GRM5: variants seen among roughly 807,000 people sequenced by gnomAD.
The protein encoded by GRM5 is glutamate metabotropic receptor 5, also known as metabotropic glutamate receptor 5.
A neutral mutation model predicts 83.1 loss-of-function variants in GRM5; 19 were observed. The observed-to-expected ratio is 0.23, with a 90% CI of 0.16 to 0.34. GRM5 has a LOEUF of 0.34. Ranked by LOEUF, GRM5 falls within the 10% of genes least tolerant of loss-of-function variation. The probability of loss-of-function intolerance (pLI) is 1.00; values close to 1 mark genes in which losing one functional copy is unlikely to be tolerated. For missense variants in GRM5, 1,160 were observed against 1,588.3 expected, an observed-to-expected ratio of 0.73 and a Z score of 4.58; for synonymous variants, 675 against 633.6, an observed-to-expected ratio of 1.07 and a Z score of -0.98.
rs759966881 is a variant in GRM5, at chr11:88,604,970, G to C, written c.1148-6C>G. ...TGTTTTCAGAGTCAGAGAACCTGTT[G>C]GGAAACAAATTAAGCATAGCTTTGA... On this transcript the variant is annotated splice_region_variant and splice_polypyrimidine_tract_variant and intron_variant, in intron 4 of 9. Coordinates refer to ENST00000305447, the MANE Select transcript of GRM5 (RefSeq NM_001143831.3). The C allele has an allele frequency of 6.2e-7, 1 of 1,609,738 alleles. No individual in the cohort carries two copies. The highest frequency in any genetic ancestry group is 1.3e-5 in the African/African-American group (1 of 74,808).
intron 3 of GRM5, among the ~76,000 whole-genome samples, chr11:88,747,249 T>C (rs554357277): frequency 2.0e-5 from 3 of 152,218 alleles, no homozygotes; most frequent in African/African-American, 4.8e-5. Context: ...TTTATTCAGA[T>C]GCATGTGGTT....
At position 88,730,168 on chromosome 11, in the gene GRM5, TCAAA is replaced by T. The variant is rs574409102; in HGVS notation, c.912-76769_912-76766del. On this transcript the variant is annotated intron_variant, in intron 3 of 9. Transcript: ENST00000305447. ...CTAATATCCAGAATCTACAAAGAACTCAAACAAATTTACAAGGAAAAGACAACCC... is the reference window on the plus strand; with the variant it reads ...CTAATATCCAGAATCTACAAAGAACTCAAATTTACAAGGAAAAGACAACCC... Among the ~76,000 whole-genome samples the T allele has an allele frequency of 4.3e-3, 657 of 152,100 alleles. 3 individuals carry two copies. The highest frequency in any genetic ancestry group is 0.015 in the African/African-American group (634 of 41,486).
At chr11:88,916,101 A>T (rs1331547535) in intron 2 of GRM5, among the ~76,000 whole-genome samples, 2 of 152,124 alleles carry the variant, frequency 1.3e-5, no homozygotes, top group Non-Finnish European at 2.9e-5. Context: ...GTAGGAGGAG[A>T]AACAAGATGG....
intron 3 of GRM5, among the ~76,000 whole-genome samples, chr11:88,797,149 TTTTG>T (rs1486203080): frequency 6.6e-6 from 1 of 152,012 alleles, no homozygotes; most frequent in Non-Finnish European, 1.5e-5. Context: ...TTGTTTTGTT[TTTTG>T]TTTTTGTTTT....
At chr11:88,536,312 A>G (rs1241718759) in intron 8 of GRM5, among the ~76,000 whole-genome samples, 1 of 151,980 alleles carries the variant, frequency 6.6e-6, no homozygotes, top group African/African-American at 2.4e-5. Flanking sequence ...CAGTGGGCTT[A>G]TGTGCTTATT....
chr11:88,517,209 G>A (rs1009809959), intron 9 of GRM5, among the ~76,000 whole-genome samples: 10 of 151,696 alleles, frequency 6.6e-5, no homozygotes, highest in African/African-American at 2.4e-4. Flanking sequence ...AAAAATATCT[G>A]TGCATATGTG....
At chr11:88,584,274 C>T (rs1943269818) in intron 7 of GRM5, among the ~76,000 whole-genome samples, 3 of 150,892 alleles carry the variant, frequency 2.0e-5, no homozygotes, top group Admixed American at 6.6e-5. Context: ...TTTGTAACTC[C>T]CATCTAACTC....
At chr11:89,035,219 T>G (rs1429308832) in intron 2 of GRM5, among the ~76,000 whole-genome samples, 1 of 151,816 alleles carries the variant, frequency 6.6e-6, no homozygotes, top group African/African-American at 2.4e-5. Context: ...ACATCATTTG[T>G]AGCTTTTATT....
At chr11:88,742,767 T>G (rs75380565) in intron 3 of GRM5, among the ~76,000 whole-genome samples, 1,634 of 152,132 alleles carry the variant, frequency 0.011, 23 homozygotes, top group African/African-American at 0.037. Flanking sequence ...AATCTGTGGG[T>G]GTAAGGAATG....
rs375019735 is a variant in GRM5, at chr11:88,513,052, T to G, written c.2727-3548A>C. Among the ~76,000 whole-genome samples the G allele has an allele frequency of 2.0e-5, 3 of 152,228 alleles. No individual in the cohort carries two copies. The East Asian group carries it at 5.8e-4, about 29-fold the overall frequency. Reference sequence around the variant, plus strand: ...CCTTTTTCCTCAAATGCTTTCTCATTGTGCTACATCCTCTCTTCCTTTTTG... The same window carrying G: ...CCTTTTTCCTCAAATGCTTTCTCATGGTGCTACATCCTCTCTTCCTTTTTG... On this transcript the variant is annotated intron_variant, in intron 9 of 9. Transcript: ENST00000305447.
At chr11:88,697,613 T>C (rs537555325) in intron 3 of GRM5, among the ~76,000 whole-genome samples, 2 of 152,216 alleles carry the variant, frequency 1.3e-5, no homozygotes, top group Non-Finnish European at 2.9e-5. Flanking sequence ...ATAAATGCCA[T>C]GTGATATGAA....
In GRM5 at chr11:88,724,985, A is replaced by T. The variant is rs375125381; in HGVS notation, c.912-71582T>A. Among the ~76,000 whole-genome samples the T allele has an allele frequency of 8.3e-4, 127 of 152,270 alleles. No homozygotes were observed. The Middle Eastern group carries it at 0.014, about 16-fold the overall frequency. ...CACAAAACTGGGTGGCCATTTGGGC[A>T]GACAGTGAGCTAGCTGCAGTTTTTA... On this transcript the variant is annotated intron_variant, in intron 3 of 9. Coordinates refer to ENST00000305447, the MANE Select transcript of GRM5 (RefSeq NM_001143831.3).
At position 88,928,285 on chromosome 11, in the gene GRM5, C is replaced by T. The variant is rs186410239; in HGVS notation, c.662-78130G>A. On this transcript the variant is annotated intron_variant, in intron 2 of 9. Coordinates refer to ENST00000305447, the MANE Select transcript of GRM5 (RefSeq NM_001143831.3). ...TTATATAATTGTAGGCGAATCATTTCTCTGGGCCCCAGTTACTTCATCTGT... is the reference window on the plus strand; with the variant it reads ...TTATATAATTGTAGGCGAATCATTTTTCTGGGCCCCAGTTACTTCATCTGT... Among the ~76,000 whole-genome samples, 652 of 152,134 alleles carry T rather than the reference C, an allele frequency of 4.3e-3. 5 individuals are homozygous for T. Among genetic ancestry groups the T allele is most frequent in the African/African-American group, 0.014 (596 of 41,536 alleles).
At chr11:89,030,779 T>C (rs1304623157) in intron 2 of GRM5, among the ~76,000 whole-genome samples, 4 of 152,090 alleles carry the variant, frequency 2.6e-5, no homozygotes, top group South Asian at 2.1e-4. Context: ...TATGCCCTAT[T>C]ATACTTAAGA....
At chr11:88,794,084 C>T (rs1943229974) in intron 3 of GRM5, among the ~76,000 whole-genome samples, 1 of 152,080 alleles carries the variant, frequency 6.6e-6, no homozygotes, top group Non-Finnish European at 1.5e-5. Flanking sequence ...CAGCCTTTAG[C>T]CTCGAAAATT....
intron 2 of GRM5, among the ~76,000 whole-genome samples, chr11:88,897,035 C>T (rs1945238183): frequency 6.6e-6 from 1 of 151,860 alleles, no homozygotes; most frequent in Non-Finnish European, 1.5e-5. Context: ...CCTAATCAAA[C>T]GAACTGCCCA....
chr11:88,946,758 T>A (rs1469477171), intron 2 of GRM5, among the ~76,000 whole-genome samples: 2 of 152,100 alleles, frequency 1.3e-5, no homozygotes, highest in African/African-American at 4.8e-5. Flanking sequence ...AGAGACCAAA[T>A]TACGTTTTGC....
chr11:88,732,578 G>C (rs766287598), intron 3 of GRM5, among the ~76,000 whole-genome samples: 3 of 151,940 alleles, frequency 2.0e-5, no homozygotes, highest in Non-Finnish European at 4.4e-5. Flanking sequence ...CTTGAATTTA[G>C]AGAAAAGGAT....
chr11:88,835,372 G>C (rs1375168891), intron 3 of GRM5, among the ~76,000 whole-genome samples: 1 of 152,228 alleles, frequency 6.6e-6, no homozygotes, highest in Non-Finnish European at 1.5e-5. Flanking sequence ...AGGTGCAGAA[G>C]TGTGTCAATT....
Sources: allele counts gnomAD v4.1 joint callset (sites outside exome capture counted in the v4.1 genomes callset), GRCh38; gene constraint gnomAD v4.1.1; transcripts MANE v1.5; gene names NCBI Gene and HGNC (gene_info 2026-07-23, HGNC 2026-07-21).